Variants in PTPRD observed in about 807,000 individuals in gnomAD.
PTPRD encodes protein tyrosine phosphatase receptor type D.
In PTPRD, 34 loss-of-function variants were observed where a neutral mutation model predicts 214.5. The observed-to-expected ratio is 0.16, with a 90% CI of 0.12 to 0.21. The LOEUF is 0.21. Ranked by LOEUF, PTPRD falls within the 10% of genes least tolerant of loss-of-function variation. The pLI is 1.00. For synonymous variants in PTPRD, 1,128 were observed against 845.7 expected, an observed-to-expected ratio of 1.33 and a Z score of -5.79; for missense variants, 2,545 against 2,398.7, an observed-to-expected ratio of 1.06 and a Z score of -1.27.
intron 12 of PTPRD, among the ~76,000 whole-genome samples, chr9:8,684,787 A>G (rs1324116768): frequency 1.3e-5 from 2 of 152,126 alleles, no homozygotes; most frequent in Non-Finnish European, 2.9e-5. Context: ...CACTTTGACA[A>G]AAGTGCTTCT....
At chr9:9,490,574 T>C (rs77977828) in intron 8 of PTPRD, among the ~76,000 whole-genome samples, 2,229 of 152,142 alleles carry the variant, frequency 0.015, 48 homozygotes, top group African/African-American at 0.05. Flanking sequence ...AATTTTGTTA[T>C]ATCAACAACC....
chr9:9,092,151 T>G (rs2099777145), intron 10 of PTPRD, among the ~76,000 whole-genome samples: 2 of 152,202 alleles, frequency 1.3e-5, no homozygotes, highest in Non-Finnish European at 2.9e-5. Context: ...TACTGTTAAC[T>G]CATTTTCATG....
chr9:9,060,033 A>G (rs780614567), intron 10 of PTPRD, among the ~76,000 whole-genome samples: 1 of 152,182 alleles, frequency 6.6e-6, no homozygotes, highest in Non-Finnish European at 1.5e-5. Flanking sequence ...GTTTGTTTGT[A>G]TGTATTGTTG....
chr9:9,853,766 C>A (rs1438665353), intron 5 of PTPRD, among the ~76,000 whole-genome samples: 1 of 152,058 alleles, frequency 6.6e-6, no homozygotes, highest in Non-Finnish European at 1.5e-5. Flanking sequence ...CCAGGATGGT[C>A]TCAATGGTCT....
intron 9 of PTPRD, among the ~76,000 whole-genome samples, chr9:9,193,271 A>T (rs935955762): frequency 6.6e-6 from 1 of 152,174 alleles, no homozygotes; most frequent in African/African-American, 2.4e-5. Context: ...ACTCAAGGTC[A>T]GATACAATCT....
chr9:9,353,031 T>C (rs2052089670), intron 9 of PTPRD, among the ~76,000 whole-genome samples: 1 of 151,928 alleles, frequency 6.6e-6, no homozygotes, highest in African/African-American at 2.4e-5. Flanking sequence ...TTGAATTAAT[T>C]CTTCAAAATT....
At chr9:10,316,590 T>A (rs1176179118) in intron 3 of PTPRD, among the ~76,000 whole-genome samples, 1 of 151,960 alleles carries the variant, frequency 6.6e-6, no homozygotes, top group Non-Finnish European at 1.5e-5. Flanking sequence ...TCCAGAAAAT[T>A]CACTATGGTT....
At chr9:8,726,065 A>C (rs1307419288) in intron 12 of PTPRD, among the ~76,000 whole-genome samples, 1 of 150,550 alleles carries the variant, frequency 6.6e-6, no homozygotes, top group Non-Finnish European at 1.5e-5. Flanking sequence ...ACACACACAC[A>C]GTTTAGTGAA....
At chr9:8,366,924 A>G (rs2080064596) in intron 39 of PTPRD, among the ~76,000 whole-genome samples, 1 of 152,244 alleles carries the variant, frequency 6.6e-6, no homozygotes, top group South Asian at 2.1e-4. Flanking sequence ...CATGGTGCAA[A>G]AATATTTTTG....
At chr9:9,511,392 A>T (rs997516500) in intron 8 of PTPRD, among the ~76,000 whole-genome samples, 1 of 151,736 alleles carries the variant, frequency 6.6e-6, no homozygotes, top group Non-Finnish European at 1.5e-5. Flanking sequence ...TGCTAGGTGA[A>T]TATCTGTAGG....
chr9:10,050,852 A>C (rs1329340973), intron 3 of PTPRD, among the ~76,000 whole-genome samples: 1 of 152,080 alleles, frequency 6.6e-6, no homozygotes, highest in African/African-American at 2.4e-5. Flanking sequence ...GGACTCCAAA[A>C]ATTAATTCTC....
rs369331238 is a variant in PTPRD at position 8,821,693 on chromosome 9, T to A, written c.-103-87747A>T. Among the ~76,000 whole-genome samples the A allele has an allele frequency of 6.7e-4, 102 of 152,168 alleles. 1 individual carries two copies. The highest frequency in any genetic ancestry group is 2.3e-3 in the African/African-American group (96 of 41,520). ...GTTCCTTCAACTTCAGGAAACAGAGTCTCGCTCTGTTGCCCAGGCTGGATT... is the reference window on the plus strand; with the variant it reads ...GTTCCTTCAACTTCAGGAAACAGAGACTCGCTCTGTTGCCCAGGCTGGATT... On this transcript the variant is annotated intron_variant, in intron 11 of 45. Transcript: ENST00000381196.
At chr9:8,454,758 G>T (rs1037281317) in intron 33 of PTPRD, among the ~76,000 whole-genome samples, 1 of 151,954 alleles carries the variant, frequency 6.6e-6, no homozygotes, top group African/African-American at 2.4e-5. Flanking sequence ...AATATTTATA[G>T]ACCTCTGATT....
chr9:10,098,749 T>C (rs547386550), intron 3 of PTPRD, among the ~76,000 whole-genome samples: 54 of 151,826 alleles, frequency 3.6e-4, no homozygotes, highest in Non-Finnish European at 6.5e-4. Context: ...TGACCTATTA[T>C]CCTAACTTTA....
At chr9:9,707,201 C>A (rs1429104750) in intron 7 of PTPRD, among the ~76,000 whole-genome samples, 1 of 152,022 alleles carries the variant, frequency 6.6e-6, no homozygotes, top group East Asian at 1.9e-4. Context: ...TATTTATGTA[C>A]ATGTAAGGTA....
Position 10,364,223 on chromosome 9 carries a change from G to C in PTPRD, c.-599-23206C>G, listed in dbSNP as rs1054948495. Among the ~76,000 whole-genome samples, 36 of 151,868 alleles carry C rather than the reference G, an allele frequency of 2.4e-4. 1 individual carries two copies. The highest frequency in any genetic ancestry group is 6.8e-3 in the Middle Eastern group (2 of 294). On this transcript the variant is annotated intron_variant, in intron 2 of 45. Coordinates refer to ENST00000381196, the MANE Select transcript of PTPRD (RefSeq NM_002839.4). ...TCACCGCGTTAGCCAGGATGGTCTC[G>C]ATCTCCTGACCTCGTGATCCGCCTG...
At chr9:9,239,053 TC>T (rs1163224109) in intron 9 of PTPRD, among the ~76,000 whole-genome samples, 1 of 152,094 alleles carries the variant, frequency 6.6e-6, no homozygotes, top group Non-Finnish European at 1.5e-5. Context: ...TGCCTCAAAC[TC>T]CTTCTTAGAA....
Position 9,382,222 on chromosome 9 carries a change from T to A in PTPRD, c.-203+15227A>T, listed in dbSNP as rs2062531845. Among the ~76,000 whole-genome samples the A allele has an allele frequency of 2.0e-5, 3 of 152,284 alleles. No individual in the cohort carries two copies. The South Asian group carries it at 6.2e-4, about 32-fold the overall frequency. On this transcript the variant is annotated intron_variant, in intron 9 of 45. Transcript: ENST00000381196. ...TAGAAACACAAGTAATTTTTATATG[T>A]TGATTTTATATATTACAACTTTGCT...
intron 8 of PTPRD, among the ~76,000 whole-genome samples, chr9:9,539,575 G>T (rs952307157): frequency 1.3e-5 from 2 of 151,764 alleles, no homozygotes; most frequent in Non-Finnish European, 2.9e-5. Context: ...TTAGAAACAC[G>T]CTGTCTTTAA....
Sources: allele counts gnomAD v4.1 joint callset (sites outside exome capture counted in the v4.1 genomes callset), GRCh38; gene constraint gnomAD v4.1.1; transcripts MANE v1.5; gene names NCBI Gene and HGNC (gene_info 2026-07-23, HGNC 2026-07-21).